AFF2: variants seen among roughly 807,000 people sequenced by gnomAD.
The protein encoded by AFF2 is AF4/FMR2 family member 2.
AFF2 carries 14 observed loss-of-function variants against 76.9 expected under a neutral mutation model. The ratio of observed to expected loss-of-function variants is 0.18; its 90% CI spans 0.12 to 0.28. The LOEUF is 0.28. Ranked by LOEUF, AFF2 falls within the 10% of genes least tolerant of loss-of-function variation. AFF2 has a pLI of 1.00. For missense variants in AFF2, 868 were observed against 1,001.1 expected, an observed-to-expected ratio of 0.87 and a Z score of 1.79; for synonymous variants, 398 against 366.7, an observed-to-expected ratio of 1.09 and a Z score of -0.98.
intron 19 of AFF2, among the ~76,000 whole-genome samples, chrX:148,984,907 C>T (rs1557291269): frequency 9.0e-6 from 1 of 111,127 alleles, no homozygotes; most frequent in African/African-American, 3.3e-5. Flanking sequence ...TATGGCAGGG[C>T]CAGGGCTAGA....
Position 148,507,907 on chromosome X carries a change from A to G in AFF2, c.47+6763A>G, listed in dbSNP as rs187436733. On this transcript the variant is annotated intron_variant, in intron 1 of 20. Coordinates refer to ENST00000370460, the MANE Select transcript of AFF2 (RefSeq NM_002025.4). ...CTATAGCTAGAATGTGATTTTGATT[A>G]TGGATTGCTTACTTTATGGGATGCT... is the stretch of plus-strand genomic sequence containing the variant. 3.0e-4 allele frequency among the ~76,000 whole-genome samples: 34 copies of G among 112,270 alleles called. No homozygotes were observed. In the East Asian group the frequency reaches 8.4e-3, roughly 28 times the overall value.
chrX:148,763,151 C>G (rs1204323197), intron 3 of AFF2, among the ~76,000 whole-genome samples: 1 of 112,204 alleles, frequency 8.9e-6, no homozygotes, highest in Non-Finnish European at 1.9e-5. Context: ...TTAAAGGTAT[C>G]TAGACTTGAC....
chrX:148,835,479 A>G (rs2070510295), intron 4 of AFF2, among the ~76,000 whole-genome samples: 1 of 88,314 alleles, frequency 1.1e-5, no homozygotes, highest in African/African-American at 4.1e-5. Flanking sequence ...CCATCACGTC[A>G]CATACTTTTT....
intron 7 of AFF2, among the ~76,000 whole-genome samples, chrX:148,846,779 T>A (rs1296886813): frequency 1.8e-5 from 2 of 112,193 alleles, no homozygotes; most frequent in African/African-American, 6.5e-5. Flanking sequence ...TGGAGTTGTA[T>A]GTTTACACAG....
intron 3 of AFF2, among the ~76,000 whole-genome samples, chrX:148,804,193 CT>C (rs2070097164): frequency 9.0e-6 from 1 of 111,614 alleles, no homozygotes; most frequent in Non-Finnish European, 1.9e-5. Context: ...CACAAAAATC[CT>C]AGAAGTGGAT....
intron 7 of AFF2, among the ~76,000 whole-genome samples, chrX:148,877,912 T>C (rs1312810451): frequency 8.9e-6 from 1 of 112,250 alleles, no homozygotes. Flanking sequence ...TCCTTAATCA[T>C]TTGACAATTA....
At chrX:148,827,527 G>A (rs1221591339) in intron 4 of AFF2, among the ~76,000 whole-genome samples, 1 of 111,854 alleles carries the variant, frequency 8.9e-6, no homozygotes, top group African/African-American at 3.2e-5. Flanking sequence ...TATAGCATAA[G>A]CTGGCTTTCT....
In AFF2 at chrX:148,996,285, A is replaced by G. The variant is rs1192125047; in HGVS notation, c.*4953A>G. On this transcript the variant is annotated 3_prime_UTR_variant, in exon 21 of 21. Coordinates refer to ENST00000370460, the MANE Select transcript of AFF2 (RefSeq NM_002025.4). ...ATCTAGCTTCTCATTTGGTCAGCCT[A>G]GCATGCAACCAGTGGTGTGCTGGTA... 2.7e-5 allele frequency: 3 copies of G among 113,062 alleles called. No individual in the cohort carries two copies. The highest frequency in any genetic ancestry group is 5.6e-5 in the Non-Finnish European group (3 of 53,401). 9.3% of individuals were successfully genotyped at this position (113,062 alleles called of 1,213,427 possible). A position where few individuals can be genotyped will look rare whatever the true frequency, so the allele number is the denominator to read the frequency against.
intron 1 of AFF2, among the ~76,000 whole-genome samples, chrX:148,638,058 C>G (rs2054050218): frequency 9.0e-6 from 1 of 110,666 alleles, no homozygotes; most frequent in African/African-American, 3.3e-5. Context: ...AAAGTCCATT[C>G]TTTGTATGTC....
chrX:148,658,156 T>C (rs1557257363), intron 2 of AFF2, among the ~76,000 whole-genome samples: 1 of 111,928 alleles, frequency 8.9e-6, no homozygotes, highest in Non-Finnish European at 1.9e-5. Flanking sequence ...TCTGTGTCCA[T>C]GTGTCCTCTG....
chrX:148,792,448 C>T (rs1260845381), intron 3 of AFF2, among the ~76,000 whole-genome samples: 5 of 112,297 alleles, frequency 4.5e-5, no homozygotes, highest in Admixed American at 9.4e-5. Flanking sequence ...AGCGAGACTC[C>T]GTCTCCAAAA....
chrX:148,591,718 A>G (rs1474680277), intron 1 of AFF2, among the ~76,000 whole-genome samples: 1 of 112,069 alleles, frequency 8.9e-6, no homozygotes, highest in Non-Finnish European at 1.9e-5. Flanking sequence ...CTTGCTTTCC[A>G]TAGAAGTGAC....
intron 1 of AFF2, among the ~76,000 whole-genome samples, chrX:148,536,870 A>G (rs1325557014): frequency 8.9e-6 from 1 of 111,813 alleles, no homozygotes; most frequent in African/African-American, 3.3e-5. Flanking sequence ...TTTTTTTTAG[A>G]AAATCTTTTC....
intron 3 of AFF2, among the ~76,000 whole-genome samples, chrX:148,691,942 T>C (rs781883156): frequency 1.0e-3 from 114 of 111,554 alleles, no homozygotes; most frequent in African/African-American, 3.4e-3. Context: ...CAGTGACAAT[T>C]ATTAACGAAT....
chrX:148,852,170 A>G (rs2070738245), intron 7 of AFF2, among the ~76,000 whole-genome samples: 1 of 111,341 alleles, frequency 9.0e-6, no homozygotes, highest in African/African-American at 3.3e-5. Context: ...TATTGTGAAT[A>G]GTGCTGCAAT....
intron 1 of AFF2, among the ~76,000 whole-genome samples, chrX:148,636,775 T>C (rs1160524267): frequency 1.8e-5 from 2 of 108,120 alleles, no homozygotes; most frequent in Non-Finnish European, 3.8e-5. Context: ...CTTATGTGAA[T>C]CAAAATTTTT....
At chrX:148,609,763 A>G (rs1382938039) in intron 1 of AFF2, among the ~76,000 whole-genome samples, 3 of 111,624 alleles carry the variant, frequency 2.7e-5, no homozygotes, top group Middle Eastern at 4.6e-3. Flanking sequence ...CACATTGGAT[A>G]TGGTCCTGGT....
intron 1 of AFF2, among the ~76,000 whole-genome samples, chrX:148,625,005 T>G (rs1470895296): frequency 1.8e-5 from 2 of 111,716 alleles, no homozygotes; most frequent in Admixed American, 9.5e-5. Context: ...TTGTTCTTTT[T>G]TTTTGCATGC....
chrX:148,757,455 T>G (rs5936225), intron 3 of AFF2, among the ~76,000 whole-genome samples: 12,940 of 111,077 alleles, frequency 0.12, 717 homozygotes, highest in Non-Finnish European at 0.16. Context: ...AAATACAATT[T>G]AAAGCACCGT....
Sources: allele counts gnomAD v4.1 joint callset (sites outside exome capture counted in the v4.1 genomes callset), GRCh38; gene constraint gnomAD v4.1.1; transcripts MANE v1.5; gene names NCBI Gene and HGNC (gene_info 2026-07-23, HGNC 2026-07-21).